The following ZBBX variants were observed in gnomAD, a reference collection of about 807,000 sequenced individuals.
ZBBX encodes the protein zinc finger B-box domain-containing protein 1.
ZBBX carries 101 observed loss-of-function variants against 108.5 expected under a neutral mutation model. The observed-to-expected ratio is 0.93, with a 90% CI of 0.79 to 1.10. The LOEUF is 1.10. ZBBX is among the 50% of genes least tolerant of loss of function. ZBBX has a pLI of 0.00. For missense variants in ZBBX, 1,009 were observed against 941.4 expected, an observed-to-expected ratio of 1.07 and a Z score of -0.94; for synonymous variants, 356 against 323.4, an observed-to-expected ratio of 1.10 and a Z score of -1.08.
intron 20 of ZBBX, among the ~76,000 whole-genome samples, chr3:167,261,259 G>A (rs548660084): frequency 6.6e-6 from 1 of 152,096 alleles, no homozygotes; most frequent in Admixed American, 6.5e-5. Context: ...GACTCTGTGA[G>A]GTTCTTAGCT....
At chr3:167,343,452 T>G (rs919315611) in intron 9 of ZBBX, among the ~76,000 whole-genome samples, 4 of 151,906 alleles carry the variant, frequency 2.6e-5, no homozygotes, top group Admixed American at 6.6e-5. Flanking sequence ...TTCAATTGTC[T>G]TTATTTCCCC....
At chr3:167,267,341 A>C (rs145367429) in intron 20 of ZBBX, among the ~76,000 whole-genome samples, 1 of 152,288 alleles carries the variant, frequency 6.6e-6, no homozygotes, top group East Asian at 1.9e-4. Flanking sequence ...TTCCTCATAC[A>C]AGGGAATTGA....
At chr3:167,373,140 C>A (rs1343963547) in intron 3 of ZBBX, among the ~76,000 whole-genome samples, 190 bp from the exon 4 acceptor site, 1 of 151,898 alleles carries the variant, frequency 6.6e-6, no homozygotes, top group African/African-American at 2.4e-5. Flanking sequence ...ACCAGATAAT[C>A]AAAAATATTA....
intron 20 of ZBBX, among the ~76,000 whole-genome samples, chr3:167,264,464 TAAAC>T (rs1725134732): frequency 1.3e-5 from 2 of 152,216 alleles, no homozygotes; most frequent in Admixed American, 1.3e-4. Context: ...ACTGATTACA[TAAAC>T]AAAGAAATGC....
Position 167,244,816 on chromosome 3 carries a change from A to G in ZBBX, c.2255-2173T>C, listed in dbSNP as rs1721271963. ...GTTAAACCTTTTCTATCCCTGGAGTAAGAGTACCTTCTCTGATCATTGAGG... is the reference window on the plus strand; with the variant it reads ...GTTAAACCTTTTCTATCCCTGGAGTGAGAGTACCTTCTCTGATCATTGAGG... On this transcript the variant is annotated intron_variant, in intron 20 of 21. Transcript: ENST00000675490. Among the ~76,000 whole-genome samples the G allele has an allele frequency of 2.0e-5, 3 of 152,226 alleles. No homozygotes were observed. The South Asian group carries it at 6.2e-4, about 31-fold the overall frequency.
At chr3:167,252,344 A>C in intron 20 of ZBBX, 1 of 468,136 alleles carries the variant, frequency 2.1e-6, no homozygotes, top group Non-Finnish European at 3.6e-6. Flanking sequence ...AAACCTCATG[A>C]AGTTTTTCCA....
At chr3:167,287,922 G>A (rs918408470) in intron 19 of ZBBX, among the ~76,000 whole-genome samples, 7 of 152,022 alleles carry the variant, frequency 4.6e-5, no homozygotes, top group African/African-American at 1.7e-4. Flanking sequence ...AGATTTTAGG[G>A]CAAGAGAGAC....
intron 8 of ZBBX, among the ~76,000 whole-genome samples, chr3:167,353,170 A>G (rs577231037): frequency 6.6e-6 from 1 of 152,146 alleles, no homozygotes; most frequent in Non-Finnish European, 1.5e-5. Context: ...ATTGGAAAAG[A>G]GGAAGTCAAA....
chr3:167,181,505 T>A, the ZBBX span, among the ~76,000 whole-genome samples: 1 of 152,218 alleles, frequency 6.6e-6, no homozygotes, highest in South Asian at 2.1e-4. Context: ...ATGATTGAAA[T>A]GTTCACTCCT....
the ZBBX span, among the ~76,000 whole-genome samples, chr3:167,226,132 T>C: frequency 6.7e-6 from 1 of 148,756 alleles, no homozygotes; most frequent in African/African-American, 2.5e-5. Flanking sequence ...CCTTGTTAGA[T>C]AATAATGATA....
At chr3:167,247,359 G>A (rs936894998) in intron 20 of ZBBX, among the ~76,000 whole-genome samples, 4 of 152,130 alleles carry the variant, frequency 2.6e-5, no homozygotes, top group Admixed American at 2.6e-4. Context: ...AGGAGAGCTG[G>A]GGCCACCAAG....
In ZBBX at chr3:167,359,623, G is replaced by A. The variant is rs73879681; in HGVS notation, c.432+247C>T. ...GCTAATAGGTATGACTCAAAGGAGC[G>A]GAGACAAGGTCTAAGCTGATGTCTT... On this transcript the variant is annotated intron_variant, in intron 8 of 21. Coordinates refer to ENST00000675490, the MANE Select transcript of ZBBX (RefSeq NM_001199201.2). Among the ~76,000 whole-genome samples the A allele has an allele frequency of 2.9e-3, 438 of 152,136 alleles. 6 individuals carry two copies. Among genetic ancestry groups the A allele is most frequent in the African/African-American group, 9.8e-3 (408 of 41,534 alleles).
chr3:167,255,370 T>C (rs1004870207), intron 20 of ZBBX, among the ~76,000 whole-genome samples: 1 of 151,530 alleles, frequency 6.6e-6, no homozygotes, highest in Non-Finnish European at 1.5e-5. Flanking sequence ...GAAATCAAGA[T>C]AAAAGGCTCA....
the ZBBX span, among the ~76,000 whole-genome samples, chr3:167,189,298 T>C: frequency 6.6e-6 from 1 of 152,186 alleles, no homozygotes; most frequent in East Asian, 1.9e-4. Flanking sequence ...TACCCACTTT[T>C]AGAAAATTTC....
At chr3:167,319,920 T>C (rs1736128358) in intron 12 of ZBBX, among the ~76,000 whole-genome samples, 1 of 151,952 alleles carries the variant, frequency 6.6e-6, no homozygotes, top group Admixed American at 6.6e-5. Context: ...GGATTCGGAA[T>C]GCCTGGGTGT....
At chr3:167,204,229 ATTTCT>A in the ZBBX span, among the ~76,000 whole-genome samples, 67 of 115,210 alleles carry the variant, frequency 5.8e-4, 1 homozygote, top group East Asian at 2.0e-3. Flanking sequence ...TTCATTTTAA[ATTTCT>A]TTTCTTTTCT....
the ZBBX span, among the ~76,000 whole-genome samples, chr3:167,226,519 C>T: frequency 2.7e-4 from 41 of 151,706 alleles, 1 homozygote; most frequent in African/African-American, 9.7e-4. Context: ...AATATTGTAG[C>T]AGAACTAGCA....
chr3:167,363,437 C>T (rs186374030), intron 6 of ZBBX, among the ~76,000 whole-genome samples: 3 of 152,060 alleles, frequency 2.0e-5, no homozygotes, highest in Admixed American at 2.0e-4. Context: ...TCCCACCTCA[C>T]CACTTGTCAA....
chr3:167,229,390 G>A, the ZBBX span, among the ~76,000 whole-genome samples: 1 of 151,762 alleles, frequency 6.6e-6, no homozygotes, highest in Non-Finnish European at 1.5e-5. Flanking sequence ...TGTCTCTATT[G>A]TCTCTATCAG....
Sources: gnomAD v4.1 joint callset for allele counts (sites outside exome capture counted in the v4.1 genomes callset) on GRCh38, gnomAD v4.1.1 for gene constraint, MANE v1.5 for transcripts, NCBI Gene and HGNC (gene_info 2026-07-23, HGNC 2026-07-21) for gene names.